The following ENTREP2 variants were observed in gnomAD, a reference collection of about 807,000 sequenced individuals.
ENTREP2 encodes endosomal transmembrane epsin interactor 2.
the ENTREP2 span, among the ~76,000 whole-genome samples, chr15:29,147,775 A>C: frequency 1.3e-5 from 2 of 152,252 alleles, no homozygotes; most frequent in Admixed American, 1.3e-4. Context: ...CTTATGACCC[A>C]GCAATTCCCC....
the ENTREP2 span, among the ~76,000 whole-genome samples, chr15:29,171,611 A>G: frequency 6.6e-6 from 1 of 152,096 alleles, no homozygotes; most frequent in Non-Finnish European, 1.5e-5. Flanking sequence ...CAATGAAAAT[A>G]TTGTATTTAT....
the ENTREP2 span, among the ~76,000 whole-genome samples, chr15:29,170,860 A>T: frequency 1.3e-5 from 2 of 152,120 alleles, no homozygotes; most frequent in Admixed American, 1.3e-4. Context: ...GTCTTAGTCT[A>T]TTTTCTGCTG....
At chr15:29,576,909 A>G in the ENTREP2 span, among the ~76,000 whole-genome samples, 2 of 151,874 alleles carry the variant, frequency 1.3e-5, no homozygotes, top group African/African-American at 2.4e-5. Context: ...CCAGGTTCAC[A>G]CCATTCTCCT....
At chr15:29,429,289 T>C in the ENTREP2 span, among the ~76,000 whole-genome samples, 4 of 152,314 alleles carry the variant, frequency 2.6e-5, no homozygotes, top group Admixed American at 2.0e-4. Context: ...TGGTGCGATC[T>C]TGGCTCACTG....
chr15:29,401,393 CAT>C, the ENTREP2 span, among the ~76,000 whole-genome samples: 1 of 152,000 alleles, frequency 6.6e-6, no homozygotes, highest in Non-Finnish European at 1.5e-5. Flanking sequence ...GAACAATAAA[CAT>C]GTAACAGAAT....
chr15:29,647,580 C>T, the ENTREP2 span, among the ~76,000 whole-genome samples: 15 of 152,126 alleles, frequency 9.9e-5, no homozygotes, highest in Non-Finnish European at 1.3e-4. Context: ...TAAATATAGT[C>T]GATAGGTATT....
the ENTREP2 span, among the ~76,000 whole-genome samples, chr15:29,330,162 A>G: frequency 6.6e-6 from 1 of 151,992 alleles, no homozygotes; most frequent in Non-Finnish European, 1.5e-5. Flanking sequence ...GTCTTGGCCG[A>G]GCGCGGCAGC....
chr15:29,211,585 C>T, the ENTREP2 span, among the ~76,000 whole-genome samples: 1 of 152,184 alleles, frequency 6.6e-6, no homozygotes, highest in Non-Finnish European at 1.5e-5. Flanking sequence ...TTCAACTTTT[C>T]CCCATTCGGT....
chr15:29,179,775 C>T, the ENTREP2 span, among the ~76,000 whole-genome samples: 7 of 151,858 alleles, frequency 4.6e-5, no homozygotes, highest in Admixed American at 3.9e-4. Context: ...TTAGTACAGA[C>T]GGGGTTTCAC....
the ENTREP2 span, among the ~76,000 whole-genome samples, chr15:29,181,396 C>T: frequency 2.0e-5 from 3 of 152,028 alleles, no homozygotes; most frequent in Non-Finnish European, 2.9e-5. Flanking sequence ...GGGAACACCT[C>T]CCAGCTCATC....
the ENTREP2 span, among the ~76,000 whole-genome samples, chr15:29,669,315 G>A: frequency 6.6e-6 from 1 of 152,180 alleles, no homozygotes; most frequent in African/African-American, 2.4e-5. Context: ...TGGGTTAATG[G>A]ATTAATGTGT....
At chr15:29,595,815 T>C in the ENTREP2 span, among the ~76,000 whole-genome samples, 2 of 152,218 alleles carry the variant, frequency 1.3e-5, no homozygotes, top group Admixed American at 6.5e-5. Context: ...AGCCTCCTTT[T>C]TTTGGTGTTC....
At chr15:29,453,595 C>G in the ENTREP2 span, among the ~76,000 whole-genome samples, 1 of 152,176 alleles carries the variant, frequency 6.6e-6, no homozygotes, top group African/African-American at 2.4e-5. Context: ...GTCCAATTAT[C>G]TCAATAATAC....
chr15:29,334,321 G>A, the ENTREP2 span, among the ~76,000 whole-genome samples: 1 of 152,270 alleles, frequency 6.6e-6, no homozygotes, highest in East Asian at 1.9e-4. Flanking sequence ...GCCTTCCATC[G>A]GAGACTACGC....
the ENTREP2 span, among the ~76,000 whole-genome samples, chr15:29,207,033 T>C: frequency 2.7e-3 from 415 of 152,176 alleles, 2 homozygotes; most frequent in Non-Finnish European, 3.8e-3. Flanking sequence ...GGAGCCACTT[T>C]CCCGCGAGTG....
the ENTREP2 span, among the ~76,000 whole-genome samples, chr15:29,315,858 A>G: frequency 6.6e-6 from 1 of 152,354 alleles, no homozygotes; most frequent in East Asian, 1.9e-4. Flanking sequence ...ACCCCACGCG[A>G]TATCACTAAG....
At chr15:29,395,605 G>A in the ENTREP2 span, among the ~76,000 whole-genome samples, 1 of 150,652 alleles carries the variant, frequency 6.6e-6, no homozygotes, top group South Asian at 2.1e-4. Context: ...ACAGCTCACT[G>A]CACTTTCAAC....
the ENTREP2 span, among the ~76,000 whole-genome samples, chr15:29,523,725 A>AC: frequency 6.6e-6 from 1 of 152,092 alleles, no homozygotes; most frequent in Non-Finnish European, 1.5e-5. Flanking sequence ...CTACTGTAAT[A>AC]AGCCCATACA....
the ENTREP2 span, among the ~76,000 whole-genome samples, chr15:29,408,228 G>A: frequency 1.3e-5 from 2 of 152,240 alleles, no homozygotes; most frequent in East Asian, 3.9e-4. Context: ...TAGGCACAGG[G>A]GATCCAGCAG....
Sources: gnomAD v4.1 joint callset for allele counts (sites outside exome capture counted in the v4.1 genomes callset) on GRCh38, gnomAD v4.1.1 for gene constraint, MANE v1.5 for transcripts, NCBI Gene and HGNC (gene_info 2026-07-23, HGNC 2026-07-21) for gene names.